The following FMN1 variants were observed in gnomAD, a reference collection of about 807,000 sequenced individuals.
The protein encoded by FMN1 is formin-1.
Under a neutral mutation model 132.4 loss-of-function variants are expected in FMN1, and 110 were observed. The observed-to-expected ratio is 0.83, with a 90% CI of 0.71 to 0.97. FMN1 has a LOEUF of 0.97. FMN1 is among the 50% of genes least tolerant of loss of function. The probability of loss-of-function intolerance (pLI) is 0.00; values close to 1 mark genes in which losing one functional copy is unlikely to be tolerated. For missense variants in FMN1, 1,792 were observed against 1,705.3 expected (o/e 1.05, Z -0.90); for synonymous variants, 722 against 651.7 (o/e 1.11, Z -1.64).
intron 3 of FMN1, among the ~76,000 whole-genome samples, chr15:33,173,775 A>G (rs1965416296): frequency 6.6e-6 from 1 of 152,166 alleles, no homozygotes. Flanking sequence ...CTAAAAATAC[A>G]AAAATTAGCC....
chr15:32,856,630 A>G (rs977305831), intron 17 of FMN1, among the ~76,000 whole-genome samples: 2 of 152,210 alleles, frequency 1.3e-5, no homozygotes, highest in African/African-American at 4.8e-5. Context: ...GAGGGTGATC[A>G]CCATCCACCT....
At chr15:33,118,835 T>C (rs746191644) in intron 4 of FMN1, among the ~76,000 whole-genome samples, 38 of 152,128 alleles carry the variant, frequency 2.5e-4, no homozygotes, top group Non-Finnish European at 5.1e-4. Flanking sequence ...TTTCAAACAA[T>C]TTCTAGTCAC....
At chr15:33,015,705 T>TAAA (rs59255534) in intron 6 of FMN1, among the ~76,000 whole-genome samples, 19 of 150,222 alleles carry the variant, frequency 1.3e-4, no homozygotes, top group Middle Eastern at 3.4e-3. Context: ...ATATGTGACT[T>TAAA]AAAAAAAAAA....
chr15:32,832,646 T>C (rs916126280), intron 17 of FMN1, among the ~76,000 whole-genome samples: 1 of 151,948 alleles, frequency 6.6e-6, no homozygotes, highest in Admixed American at 6.6e-5. Context: ...GACATGGTGG[T>C]GAGTGCCTGT....
chr15:32,808,299 G>A (rs1265817685), intron 17 of FMN1, among the ~76,000 whole-genome samples: 2 of 152,208 alleles, frequency 1.3e-5, no homozygotes, highest in African/African-American at 4.8e-5. Flanking sequence ...CCCTAGCTGT[G>A]TCACCTGAGT....
chr15:33,184,962 G>A (rs763765185), intron 2 of FMN1, among the ~76,000 whole-genome samples: 16 of 152,300 alleles, frequency 1.1e-4, no homozygotes, highest in South Asian at 2.1e-4. Flanking sequence ...TACGTTATAT[G>A]TGTGCTTATA....
At chr15:33,013,845 T>C (rs768605883) in intron 6 of FMN1, among the ~76,000 whole-genome samples, 6 of 152,350 alleles carry the variant, frequency 3.9e-5, no homozygotes, top group Non-Finnish European at 5.9e-5. Context: ...TTGATGTCCT[T>C]TGAGAATAGC....
Position 33,142,182 on chromosome 15 carries a change from A to G in FMN1, c.1867+10866T>C, listed in dbSNP as rs114895288. Among the ~76,000 whole-genome samples the G allele has an allele frequency of 6.8e-3, 1,036 of 152,272 alleles. 12 individuals are homozygous for G. The highest frequency in any genetic ancestry group is 0.024 in the African/African-American group (997 of 41,542). On this transcript the variant is annotated intron_variant, in intron 4 of 20. Coordinates refer to ENST00000616417, the MANE Select transcript of FMN1 (RefSeq NM_001277313.2). ...ACAGAAGCACATTTTCTCCCTTGAT[A>G]TGAATATCTATTTCTAATGTAGCCT... is the stretch of plus-strand genomic sequence containing the variant.
At chr15:33,023,059 C>CAAAAAAAAAAAAAA (rs758459713) in intron 6 of FMN1, among the ~76,000 whole-genome samples, 6 of 53,186 alleles carry the variant, frequency 1.1e-4, no homozygotes, top group African/African-American at 2.2e-4. Flanking sequence ...CTCCCCCACC[C>CAAAAAAAAAAAAAA]AAAAAAAAAA....
intron 5 of FMN1, among the ~76,000 whole-genome samples, chr15:33,076,784 A>C (rs1330551782): frequency 6.6e-6 from 1 of 152,190 alleles, no homozygotes; most frequent in African/African-American, 2.4e-5. Context: ...ATTTTATAAC[A>C]GTTTTCTTTC....
At chr15:33,031,445 G>A (rs2035934016) in intron 6 of FMN1, among the ~76,000 whole-genome samples, 1 of 152,214 alleles carries the variant, frequency 6.6e-6, no homozygotes, top group East Asian at 1.9e-4. Flanking sequence ...GTGGTTTCCT[G>A]AAATACAGAC....
At chr15:32,831,452 T>C (rs1427566682) in intron 17 of FMN1, among the ~76,000 whole-genome samples, 1 of 152,064 alleles carries the variant, frequency 6.6e-6, no homozygotes, top group Non-Finnish European at 1.5e-5. Context: ...GATGGCAGTT[T>C]TGAAGGGTAT....
intron 17 of FMN1, among the ~76,000 whole-genome samples, chr15:32,856,342 G>C (rs1379925653): frequency 6.6e-6 from 1 of 152,072 alleles, no homozygotes; most frequent in Non-Finnish European, 1.5e-5. Flanking sequence ...ATTAGAATAG[G>C]AATTATCTAA....
At chr15:33,095,685 T>C (rs551903161) in intron 4 of FMN1, among the ~76,000 whole-genome samples, 3 of 152,132 alleles carry the variant, frequency 2.0e-5, no homozygotes, top group African/African-American at 4.8e-5. Flanking sequence ...AAAAATATTA[T>C]TGAAGAATAA....
chr15:33,122,008 A>T (rs752953185), intron 4 of FMN1, among the ~76,000 whole-genome samples: 1 of 152,238 alleles, frequency 6.6e-6, no homozygotes, highest in Non-Finnish European at 1.5e-5. Flanking sequence ...TATGAAGAGG[A>T]CACGATCTCT....
At chr15:33,042,706 T>G (rs761808636) in intron 6 of FMN1, among the ~76,000 whole-genome samples, 1 of 151,890 alleles carries the variant, frequency 6.6e-6, no homozygotes, top group African/African-American at 2.4e-5. Flanking sequence ...AAACTGATAA[T>G]AACAGCTTAC....
chr15:32,913,497 A>C (rs914851900), intron 10 of FMN1, among the ~76,000 whole-genome samples: 2 of 152,010 alleles, frequency 1.3e-5, no homozygotes, highest in African/African-American at 4.8e-5. Context: ...TCCATGCACC[A>C]TGGGTTCCAG....
intron 4 of FMN1, among the ~76,000 whole-genome samples, chr15:33,143,600 C>T (rs1470427289): frequency 2.0e-5 from 3 of 152,104 alleles, no homozygotes; most frequent in Admixed American, 1.3e-4. Flanking sequence ...AGATGGGACA[C>T]CAAGAACAAA....
chr15:32,942,931 AC>A (rs2061430690), intron 9 of FMN1, among the ~76,000 whole-genome samples: 1 of 152,222 alleles, frequency 6.6e-6, no homozygotes, highest in Admixed American at 6.5e-5. Context: ...AAATGTAGAA[AC>A]CATATATATA....
Sources: allele counts gnomAD v4.1 joint callset (sites outside exome capture counted in the v4.1 genomes callset), GRCh38; gene constraint gnomAD v4.1.1; transcripts MANE v1.5; gene names NCBI Gene and HGNC (gene_info 2026-07-23, HGNC 2026-07-21).